The following RIN3 variants were observed in gnomAD, a reference collection of about 807,000 sequenced individuals.
RIN3 encodes the protein Ras and Rab interactor 3, also known as RAB5 interacting protein 3.
A neutral mutation model predicts 76.3 loss-of-function variants in RIN3; 54 were observed. The observed-to-expected ratio is 0.71, with a 90% CI of 0.57 to 0.89. The LOEUF is 0.89. Among genes scored for constraint, RIN3 ranks in the 40% least tolerant of loss-of-function variants. RIN3 has a pLI of 0.00. For missense variants in RIN3, 1,256 were observed against 1,322.1 expected (o/e 0.95, Z 0.78); for synonymous variants, 576 against 564.0 (o/e 1.02, Z -0.30).
chr14:92,542,114 C>A (rs1034126157), intron 1 of RIN3, among the ~76,000 whole-genome samples: 8 of 152,004 alleles, frequency 5.3e-5, no homozygotes, highest in Non-Finnish European at 4.4e-5. Context: ...GCAACATAGA[C>A]CCTGTCTGTA....
At chr14:92,607,270 TGGGAA>T (rs1214831105) in intron 3 of RIN3, among the ~76,000 whole-genome samples, 1 of 152,152 alleles carries the variant, frequency 6.6e-6, no homozygotes, top group African/African-American at 2.4e-5. Context: ...CTGGTGAGGA[TGGGAA>T]GAAACTGAAT....
At chr14:92,619,203 T>A (rs1371813800) in intron 4 of RIN3, among the ~76,000 whole-genome samples, 1 of 152,126 alleles carries the variant, frequency 6.6e-6, no homozygotes, top group African/African-American at 2.4e-5. Context: ...TTACCTCCTT[T>A]CTGGATGTTT....
intron 2 of RIN3, among the ~76,000 whole-genome samples, chr14:92,566,255 C>G (rs1206419611): frequency 3.9e-5 from 6 of 152,192 alleles, no homozygotes; most frequent in Non-Finnish European, 4.4e-5. Context: ...ACCTGGGCTT[C>G]TCTCTACCCT....
At chr14:92,518,057 C>T (rs144194360) in intron 1 of RIN3, among the ~76,000 whole-genome samples, 2 of 152,350 alleles carry the variant, frequency 1.3e-5, no homozygotes, top group Non-Finnish European at 2.9e-5. Flanking sequence ...GTACCTTTGC[C>T]CATGAGGTTC....
At chr14:92,515,629 A>G (rs1209879438) in intron 1 of RIN3, 1 of 239,602 alleles carries the variant, frequency 4.2e-6, no homozygotes, top group Non-Finnish European at 8.0e-6. Context: ...TGATCCCTCC[A>G]TTTGCCAAAT....
At chr14:92,529,500 G>A (rs963065784) in intron 1 of RIN3, among the ~76,000 whole-genome samples, 2 of 151,820 alleles carry the variant, frequency 1.3e-5, no homozygotes, top group Non-Finnish European at 1.5e-5. Flanking sequence ...CGCCCACCTC[G>A]GCCTCCCAAA....
intron 7 of RIN3, among the ~76,000 whole-genome samples, chr14:92,673,240 C>T (rs1343545825): frequency 6.6e-6 from 1 of 152,142 alleles, no homozygotes. Context: ...AAGACTTTTC[C>T]ATGGTGTGCA....
intron 7 of RIN3, among the ~76,000 whole-genome samples, chr14:92,666,237 G>A (rs1268977998): frequency 1.3e-5 from 2 of 152,210 alleles, no homozygotes; most frequent in Non-Finnish European, 2.9e-5. Context: ...TACCTTCATG[G>A]CCCGCTTGAA....
chr14:92,573,791 C>G (rs1472122704), intron 2 of RIN3, among the ~76,000 whole-genome samples: 1 of 152,234 alleles, frequency 6.6e-6, no homozygotes, highest in Non-Finnish European at 1.5e-5. Flanking sequence ...GCCAAGGAGG[C>G]AGCTCCACCT....
intron 3 of RIN3, among the ~76,000 whole-genome samples, chr14:92,578,722 T>A (rs1271248): frequency 6.6e-6 from 1 of 152,086 alleles, no homozygotes; most frequent in Non-Finnish European, 1.5e-5. Context: ...CTGAGTCAGT[T>A]CCTGGGCGAG....
intron 1 of RIN3, among the ~76,000 whole-genome samples, chr14:92,539,096 C>G (rs1307289828): frequency 6.6e-6 from 1 of 152,132 alleles, no homozygotes; most frequent in South Asian, 2.1e-4. Context: ...TTGCTGCCTC[C>G]AGCTTCAGTC....
intron 3 of RIN3, among the ~76,000 whole-genome samples, chr14:92,601,989 C>G (rs1885363527): frequency 6.6e-6 from 1 of 152,236 alleles, no homozygotes; most frequent in South Asian, 2.1e-4. Flanking sequence ...ATACGAAGAG[C>G]AGCTTCCAAG....
chr14:92,677,560 G>T (rs141536600), intron 8 of RIN3, among the ~76,000 whole-genome samples: 22 of 152,216 alleles, frequency 1.4e-4, no homozygotes, highest in Non-Finnish European at 2.5e-4. Flanking sequence ...TTAAAGCCAT[G>T]ACGTTTGCTG....
At chr14:92,545,914 C>CGTTTT (rs1566835804) in intron 1 of RIN3, among the ~76,000 whole-genome samples, 1 of 146,854 alleles carries the variant, frequency 6.8e-6, no homozygotes, top group South Asian at 2.2e-4. Context: ...TGATTCTGGC[C>CGTTTT]CTTTTCTTTT....
At chr14:92,543,669 G>GC (rs540240646) in intron 1 of RIN3, among the ~76,000 whole-genome samples, 3 of 121,344 alleles carry the variant, frequency 2.5e-5, no homozygotes, top group Admixed American at 1.1e-4. Context: ...TGCAACCTCC[G>GC]CTTCTGGGGT....
chr14:92,538,532 TTTGA>T (rs1167024205), intron 1 of RIN3, among the ~76,000 whole-genome samples: 6 of 152,182 alleles, frequency 3.9e-5, no homozygotes, highest in Non-Finnish European at 7.3e-5. Context: ...GGCAGTATTG[TTTGA>T]TTGTTTCTAG....
chr14:92,614,818 T>A (rs1224953481), intron 3 of RIN3, among the ~76,000 whole-genome samples: 2 of 148,648 alleles, frequency 1.3e-5, no homozygotes, highest in East Asian at 2.0e-4. Context: ...TATATATATA[T>A]ATAAATTATC....
In RIN3 at chr14:92,615,353, A is replaced by G. The variant is rs374038037; in HGVS notation, c.368-54A>G. On this transcript the variant is annotated intron_variant, in intron 3 of 9. Transcript: ENST00000216487. ...CCCATCCTTGCCACCTCCTTCCCCC[A>G]TTTTCCTTGGCAGGATACTCACCTC... The G allele has an allele frequency of 1.1e-5, 17 of 1,503,880 alleles. No homozygotes were observed. The African/African-American group carries it at 1.9e-4, about 17-fold the overall frequency. 93.2% of individuals were successfully genotyped at this position (1,503,880 alleles called of 1,614,324 possible).
At chr14:92,619,564 C>A (rs372111966) in intron 4 of RIN3, among the ~76,000 whole-genome samples, 1 of 151,212 alleles carries the variant, frequency 6.6e-6, no homozygotes, top group African/African-American at 2.4e-5. Flanking sequence ...CTCAGCCTCC[C>A]GAGCAGCTGG....
Sources: allele counts gnomAD v4.1 joint callset (sites outside exome capture counted in the v4.1 genomes callset), GRCh38; gene constraint gnomAD v4.1.1; transcripts MANE v1.5; gene names NCBI Gene and HGNC (gene_info 2026-07-23, HGNC 2026-07-21).